The following MYOM2 variants were observed in gnomAD, a reference collection of about 807,000 sequenced individuals.
MYOM2 encodes myomesin-2.
In MYOM2, 254 loss-of-function variants were observed where a neutral mutation model predicts 187.6. The ratio of observed to expected loss-of-function variants is 1.35; its 90% CI spans 1.22 to 1.50. The LOEUF is 1.50. Among genes scored for constraint, MYOM2 ranks in the 40% most tolerant of loss-of-function variants. MYOM2 has a pLI of 0.00. For synonymous variants in MYOM2, 981 were observed against 753.8 expected, an observed-to-expected ratio of 1.30 and a Z score of -4.94; for missense variants, 2,796 against 1,924.0, an observed-to-expected ratio of 1.45 and a Z score of -8.48.
chr8:2,091,263 C>T (rs761545015), intron 15 of MYOM2, among the ~76,000 whole-genome samples: 9 of 152,026 alleles, frequency 5.9e-5, no homozygotes, highest in Admixed American at 3.3e-4. Context: ...AGGCCAGTCT[C>T]GAACTCCTGA....
intron 15 of MYOM2, among the ~76,000 whole-genome samples, chr8:2,091,458 C>T (rs946966447): frequency 6.6e-6 from 1 of 152,142 alleles, no homozygotes; most frequent in African/African-American, 2.4e-5. Flanking sequence ...TCGTGGATGG[C>T]AGTTAACTAG....
chr8:2,135,026 G>T (rs1432032762), intron 32 of MYOM2, among the ~76,000 whole-genome samples: 1 of 152,108 alleles, frequency 6.6e-6, no homozygotes, highest in African/African-American at 2.4e-5. Context: ...GCATCTCACC[G>T]TCTGTGTACT....
Position 2,072,377 on chromosome 8 carries a change from T to A in MYOM2, c.826T>A (p.Phe276Ile). ...GTCATCGATGATTCCGTACACGCAC[T>A]TCGACGTCCAGTTTTTGGAGAAGTT... ...PLSSMIPYTH[F>I]DVQFLEKFGV... is the part of the protein sequence containing the mutation. The change falls in exon 9 of 37, where the codon TTC becomes ATC. Residue 276 changes from phenylalanine to isoleucine, a missense_variant. Transcript: ENST00000262113. 1 of 1,613,716 alleles carries A rather than the reference T, an allele frequency of 6.2e-7. No homozygotes were observed. The highest frequency in any genetic ancestry group is 1.3e-5 in the African/African-American group (1 of 75,016).
At chr8:2,119,909 A>G (rs1797369324) in intron 28 of MYOM2, among the ~76,000 whole-genome samples, 1 of 151,842 alleles carries the variant, frequency 6.6e-6, no homozygotes, top group South Asian at 2.1e-4. Flanking sequence ...ACCAGGGCAG[A>G]GCAAGCGGCA....
intron 6 of MYOM2, among the ~76,000 whole-genome samples, chr8:2,067,602 G>C (rs936189742): frequency 6.6e-6 from 1 of 152,120 alleles, no homozygotes; most frequent in Non-Finnish European, 1.5e-5. Context: ...ACCCCCTCTT[G>C]TCTCCATTTC....
intron 13 of MYOM2, 76 bp from the exon 14 acceptor site, chr8:2,085,187 C>T (rs1369182650): frequency 1.3e-6 from 2 of 1,553,764 alleles, no homozygotes; most frequent in Admixed American, 1.8e-5. Flanking sequence ...TGGCAGAGTC[C>T]TCCAGTGCCC....
rs117305691 is a variant in MYOM2 at position 2,053,263 on chromosome 8, T to C, written c.263+950T>C. On this transcript the variant is annotated intron_variant, in intron 3 of 36. Transcript: ENST00000262113. Reference sequence around the variant, plus strand: ...AAGGTTAACATTTATTTTTAAAAAATTGAATTTTTTTAAATGTCATAGGAT... The same window carrying C: ...AAGGTTAACATTTATTTTTAAAAAACTGAATTTTTTTAAATGTCATAGGAT... Among the ~76,000 whole-genome samples the C allele has an allele frequency of 1.6e-3, 250 of 152,356 alleles. 1 individual carries two copies. In the East Asian group the frequency reaches 0.027, roughly 16 times the overall value.
chr8:2,103,597 T>C (rs1225549406), intron 21 of MYOM2, among the ~76,000 whole-genome samples: 4 of 151,348 alleles, frequency 2.6e-5, no homozygotes, highest in African/African-American at 9.7e-5. Context: ...TATGTGTATA[T>C]GTGTATATAT....
At chr8:2,104,011 C>T (rs1796809759) in intron 21 of MYOM2, among the ~76,000 whole-genome samples, 2 of 152,158 alleles carry the variant, frequency 1.3e-5, no homozygotes, top group Non-Finnish European at 1.5e-5. Flanking sequence ...TGCCTGTGCA[C>T]TAATGGCCCT....
At position 2,085,447 on chromosome 8, in the gene MYOM2, ATGATCTCTGCGTGGCCCACCG is replaced by A. The variant is rs1819789457; in HGVS notation, c.1644+58_1644+78del. 6 of 1,342,734 alleles carry A rather than the reference ATGATCTCTGCGTGGCCCACCG, an allele frequency of 4.5e-6. No individual in the cohort carries two copies. In the African/African-American group the frequency reaches 9.2e-5, roughly 21 times the overall value. 83.2% of individuals were successfully genotyped at this position (1,342,734 alleles called of 1,614,324 possible). A position where few individuals can be genotyped will look rare whatever the true frequency, so the allele number is the denominator to read the frequency against. ...GATCTCTGCATGGCCCCCCACTGTC[ATGATCTCTGCGTGGCCCACCG>A]CTGTCGTGATCTCCGCGTGGCCCCT... On this transcript the variant is annotated intron_variant, in intron 14 of 36. Transcript: ENST00000262113.
rs1396599547 is a variant in MYOM2, at chr8:2,076,144, C to T, written c.1124C>T (p.Ala375Val). 1 of 1,611,330 alleles carries T rather than the reference C, an allele frequency of 6.2e-7. No individual in the cohort carries two copies. The stretch of plus-strand genomic sequence containing the variant: ...CCTTTTCTCTCCCTGCCCCAAGATG[C>T]TGACCCGCTGGTCACAGGGGCCCCC... ...DHSAFLFVRDADPLVTGAPGA... is the reference protein window; with the variant it reads ...DHSAFLFVRDVDPLVTGAPGA... Residue 375 changes from alanine to valine, a missense_variant, in exon 11 of 37, where the codon GCT becomes GTT. Ala to Val is a moderately conservative substitution (Grantham distance 64, BLOSUM62 0). Coordinates refer to ENST00000262113, the MANE Select transcript of MYOM2 (RefSeq NM_003970.4).
intron 13 of MYOM2, among the ~76,000 whole-genome samples, chr8:2,082,777 G>A (rs956710995): frequency 5.9e-5 from 9 of 152,178 alleles, no homozygotes; most frequent in East Asian, 1.9e-4. Flanking sequence ...TTCCTGGGCC[G>A]GGGCATTTGC....
intron 1 of MYOM2, among the ~76,000 whole-genome samples, chr8:2,049,363 G>C (rs1254174916): frequency 1.3e-5 from 2 of 152,192 alleles, no homozygotes; most frequent in Non-Finnish European, 2.9e-5. Context: ...CTGTAGAATA[G>C]GAGTTTGGGT....
rs774732664 is a variant in MYOM2, at chr8:2,052,265, C to G, written c.215C>G (p.Ala72Gly). 3.0e-5 allele frequency: 49 copies of G among 1,611,308 alleles called. No individual in the cohort carries two copies. The East Asian group carries it at 1.1e-3, about 36-fold the overall frequency. The change falls in exon 3 of 37, where the codon GCG (alanine) becomes GGG (glycine). Residue 72 changes from alanine to glycine, a missense_variant. Physicochemically the swap from Ala to Gly is moderately conservative, Grantham distance 60. Transcript: ENST00000262113. ...SLGGTICRVC[A>G]KRVSTQEDEE... The stretch of plus-strand genomic sequence containing the variant: ...GGAGGAACCATCTGCAGGGTCTGTG[C>G]GAAGCGAGTGAGCACGCAGGAAGAT...
At chr8:2,115,429 G>C (rs991421974) in intron 25 of MYOM2, among the ~76,000 whole-genome samples, 1 of 152,070 alleles carries the variant, frequency 6.6e-6, no homozygotes, top group Non-Finnish European at 1.5e-5. Context: ...AAAAATAAAA[G>C]CGATCAAAAA....
intron 14 of MYOM2, among the ~76,000 whole-genome samples, chr8:2,088,958 C>T (rs540028347): frequency 7.2e-5 from 11 of 152,164 alleles, no homozygotes; most frequent in African/African-American, 2.2e-4. Flanking sequence ...GGACTGCGCT[C>T]GCTTGGGGTC....
chr8:2,088,644 C>A (rs972726891), intron 14 of MYOM2, among the ~76,000 whole-genome samples: 14 of 152,174 alleles, frequency 9.2e-5, no homozygotes, highest in African/African-American at 3.4e-4. Context: ...GGTGTGGGGG[C>A]ACCACATTTT....
At chr8:2,094,800 G>C (rs1796424402) in intron 17 of MYOM2, among the ~76,000 whole-genome samples, 1 of 152,336 alleles carries the variant, frequency 6.6e-6, no homozygotes, top group South Asian at 2.1e-4. Context: ...TTGAGACTTT[G>C]TTGGTAAATA....
chr8:2,067,084 A>C (rs1819043276), intron 6 of MYOM2, among the ~76,000 whole-genome samples: 1 of 152,210 alleles, frequency 6.6e-6, no homozygotes, highest in Non-Finnish European at 1.5e-5. Flanking sequence ...GAACTTCAGC[A>C]GGAGGGGAAA....
Sources: allele counts gnomAD v4.1 joint callset (sites outside exome capture counted in the v4.1 genomes callset), GRCh38; gene constraint gnomAD v4.1.1; transcripts MANE v1.5; gene names NCBI Gene and HGNC (gene_info 2026-07-23, HGNC 2026-07-21).